The following LEMD1 variants were observed in gnomAD, a reference collection of about 807,000 sequenced individuals.
The protein encoded by LEMD1 is LEM domain containing 1.
In LEMD1, 18 loss-of-function variants were observed where a neutral mutation model predicts 17.4. That is an observed-to-expected ratio of 1.04 (90% CI 0.72 to 1.54). The LOEUF (loss-of-function observed/expected upper bound fraction) is 1.54. LEMD1 is among the 40% of genes most tolerant of loss of function. LEMD1 has a pLI of 0.00. For missense variants in LEMD1, 195 were observed against 210.4 expected (o/e 0.93, Z 0.45); for synonymous variants, 88 against 77.8 (o/e 1.13, Z -0.69).
intron 3 of LEMD1, among the ~76,000 whole-genome samples, chr1:205,417,712 T>C (rs544857270): frequency 6.6e-6 from 1 of 152,208 alleles, no homozygotes; most frequent in East Asian, 1.9e-4. Flanking sequence ...TTTCAGTATC[T>C]GTGCCGCCTC....
intron 1 of LEMD1, among the ~76,000 whole-genome samples, chr1:205,445,470 C>T (rs536944012): frequency 3.9e-5 from 6 of 152,358 alleles, no homozygotes; most frequent in African/African-American, 7.2e-5. Context: ...TCTGGCTCAC[C>T]GAGCTCTCTG....
At chr1:205,400,857 C>A (rs1326252190) in intron 4 of LEMD1, among the ~76,000 whole-genome samples, 2 of 124,996 alleles carry the variant, frequency 1.6e-5, no homozygotes, top group African/African-American at 5.6e-5. Context: ...CCCCCCCACC[C>A]CACAACAGTC....
intron 4 of LEMD1, among the ~76,000 whole-genome samples, chr1:205,408,114 A>G (rs1399901739): frequency 6.6e-6 from 1 of 152,152 alleles, no homozygotes; most frequent in Non-Finnish European, 1.5e-5. Flanking sequence ...TGGATGAGAA[A>G]GCAAAAAGAC....
At chr1:205,443,580 A>G (rs1484885205) in intron 1 of LEMD1, among the ~76,000 whole-genome samples, 2 of 152,156 alleles carry the variant, frequency 1.3e-5, no homozygotes, top group African/African-American at 4.8e-5. Flanking sequence ...TGGCTGCCTC[A>G]GTGGGATTCC....
At chr1:205,391,404 G>A (rs1266045499) in intron 4 of LEMD1, among the ~76,000 whole-genome samples, 5 of 151,960 alleles carry the variant, frequency 3.3e-5, no homozygotes, top group Non-Finnish European at 1.5e-5. Flanking sequence ...GGAGCTGGAG[G>A]AGCTGACAAC....
intron 3 of LEMD1, among the ~76,000 whole-genome samples, chr1:205,416,737 G>A (rs1377835585): frequency 3.3e-5 from 5 of 152,198 alleles, no homozygotes; most frequent in African/African-American, 4.8e-5. Flanking sequence ...TGCTAGGGAC[G>A]GAAAAGGATG....
At chr1:205,413,419 G>C (rs1384233916) in intron 4 of LEMD1, among the ~76,000 whole-genome samples, 1 of 151,866 alleles carries the variant, frequency 6.6e-6, no homozygotes, top group Admixed American at 6.6e-5. Context: ...CTCCTGAGTA[G>C]CTGGGACCAC....
intron 4 of LEMD1, among the ~76,000 whole-genome samples, chr1:205,398,118 A>G (rs1664674581): frequency 6.6e-6 from 1 of 152,236 alleles, no homozygotes. Context: ...CCTTGTAAAG[A>G]TGGCATTTAG....
chr1:205,408,502 CTTTTTTTTTTTT>C (rs573634699), intron 4 of LEMD1, among the ~76,000 whole-genome samples: 1 of 136,882 alleles, frequency 7.3e-6, no homozygotes, highest in Non-Finnish European at 1.5e-5. Context: ...TTCTTTCTTT[CTTTTTTTTTTTT>C]TTTTGAGACA....
At chr1:205,401,031 A>C (rs1280822969) in intron 4 of LEMD1, among the ~76,000 whole-genome samples, 2 of 151,226 alleles carry the variant, frequency 1.3e-5, no homozygotes, top group Non-Finnish European at 3.0e-5. Context: ...TGAACTCATC[A>C]TTTTTTATGG....
intron 4 of LEMD1, among the ~76,000 whole-genome samples, chr1:205,410,047 A>T (rs1433991310): frequency 6.6e-6 from 1 of 152,012 alleles, no homozygotes; most frequent in Admixed American, 6.6e-5. Context: ...AAGTGCTGGG[A>T]TTACAGGCGT....
chr1:205,449,570 AACAGC>A (rs1200218042), intron 1 of LEMD1, among the ~76,000 whole-genome samples: 5 of 152,096 alleles, frequency 3.3e-5, no homozygotes, highest in Non-Finnish European at 5.9e-5. Flanking sequence ...ATTCCCCAAC[AACAGC>A]ACAGCACAGC....
intron 5 of LEMD1, 77 bp downstream of exon 5, chr1:205,384,211 A>G: frequency 1.2e-6 from 1 of 831,418 alleles, no homozygotes; most frequent in Non-Finnish European, 1.7e-6. Context: ...CTTCACAGAA[A>G]TCTGAATAAT....
At chr1:205,403,996 A>T (rs1664973510) in intron 4 of LEMD1, among the ~76,000 whole-genome samples, 1 of 152,024 alleles carries the variant, frequency 6.6e-6, no homozygotes, top group African/African-American at 2.4e-5. Context: ...TTCAGTTTCC[A>T]TGTAGTTGAG....
chr1:205,438,902 A>G (rs1191957784), intron 1 of LEMD1, among the ~76,000 whole-genome samples: 1 of 151,918 alleles, frequency 6.6e-6, no homozygotes, highest in Non-Finnish European at 1.5e-5. Flanking sequence ...GAGGCGCACA[A>G]GGGGAAAGCT....
At chr1:205,386,630 C>CT (rs1664042874) in intron 4 of LEMD1, 1 of 152,276 alleles carries the variant, frequency 6.6e-6, no homozygotes, top group Non-Finnish European at 1.5e-5. Context: ...TAAACATGTT[C>CT]TCAACAGTGG....
intron 1 of LEMD1, among the ~76,000 whole-genome samples, chr1:205,427,943 T>G (rs1316421868): frequency 6.6e-6 from 1 of 152,184 alleles, no homozygotes; most frequent in Non-Finnish European, 1.5e-5. Flanking sequence ...TTATAACGGT[T>G]CCTGGTACTA....
At chr1:205,413,270 C>A (rs1348559147) in intron 4 of LEMD1, among the ~76,000 whole-genome samples, 1 of 152,014 alleles carries the variant, frequency 6.6e-6, no homozygotes, top group African/African-American at 2.4e-5. Flanking sequence ...GATAAAATAT[C>A]ATTTTATTTT....
At position 205,381,490 on chromosome 1, in the gene LEMD1, T is replaced by C. The variant is rs923189753; in HGVS notation, c.*168A>G. ...AACACAGGTGCCTGGTTAGGCAGGT[T>C]CCTTCCACCTGGCTGAGCCCAGACA... On this transcript the variant is annotated 3_prime_UTR_variant, in exon 6 of 6. Coordinates refer to ENST00000367153, the MANE Select transcript of LEMD1 (RefSeq NM_001199050.2). 6.1e-6 allele frequency: 4 copies of C among 659,758 alleles called. No individual in the cohort carries two copies. In the African/African-American group the frequency reaches 7.2e-5, roughly 12 times the overall value. The allele number at this position is 659,758 out of a possible 1,614,324, so 40.9% of individuals were successfully genotyped here. A position where few individuals can be genotyped will look rare whatever the true frequency, so the allele number is the denominator to read the frequency against.
Sources: gnomAD v4.1 joint callset for allele counts (sites outside exome capture counted in the v4.1 genomes callset) on GRCh38, gnomAD v4.1.1 for gene constraint, MANE v1.5 for transcripts, NCBI Gene and HGNC (gene_info 2026-07-23, HGNC 2026-07-21) for gene names.